The following DIAPH2 variants were observed in gnomAD, a reference collection of about 807,000 sequenced individuals.
DIAPH2 encodes protein diaphanous homolog 2.
A neutral mutation model predicts 92.7 loss-of-function variants in DIAPH2; 35 were observed. That is an observed-to-expected ratio of 0.38 (90% CI 0.29 to 0.50). The LOEUF is 0.50. DIAPH2 is among the 20% of genes least tolerant of loss of function. DIAPH2 has a pLI of 0.94. For synonymous variants in DIAPH2, 301 were observed against 280.4 expected, an observed-to-expected ratio of 1.07 and a Z score of -0.73; for missense variants, 701 against 819.5, an observed-to-expected ratio of 0.86 and a Z score of 1.77.
At chrX:97,263,864 G>A (rs952769263) in intron 23 of DIAPH2, among the ~76,000 whole-genome samples, 9 of 109,194 alleles carry the variant, frequency 8.2e-5, no homozygotes, top group African/African-American at 2.0e-4. Flanking sequence ...TAGGATTACC[G>A]GCGTGAGCCA....
intron 1 of DIAPH2, among the ~76,000 whole-genome samples, chrX:96,705,586 AT>A (rs763981689): frequency 8.9e-6 from 1 of 112,194 alleles, no homozygotes; most frequent in South Asian, 3.7e-4. Context: ...AATGTTTATG[AT>A]TTTTTTAGAA....
intron 4 of DIAPH2, among the ~76,000 whole-genome samples, chrX:96,816,369 G>GTC: frequency 1.8e-5 from 2 of 112,009 alleles, no homozygotes; most frequent in Middle Eastern, 9.1e-3. Context: ...GGATAAAAGG[G>GTC]TCACCATCTT....
chrX:96,854,474 T>C (rs6620193), intron 4 of DIAPH2, among the ~76,000 whole-genome samples: 1 of 103,942 alleles, frequency 9.6e-6, no homozygotes, highest in African/African-American at 3.5e-5. Context: ...ACAGGGAATA[T>C]GTTTGAAGAC....
chrX:97,303,706 A>G (rs1454097251), intron 23 of DIAPH2, among the ~76,000 whole-genome samples: 2 of 112,120 alleles, frequency 1.8e-5, no homozygotes, highest in African/African-American at 3.2e-5. Flanking sequence ...GGGTTAAACA[A>G]AGACAAACAG....
chrX:97,354,643 G>C (rs2069248702), intron 24 of DIAPH2, among the ~76,000 whole-genome samples: 1 of 112,594 alleles, frequency 8.9e-6, no homozygotes, highest in Non-Finnish European at 1.9e-5. Flanking sequence ...CAAAGTGCTA[G>C]GATTATAGGC....
At chrX:97,161,051 GTT>G (rs533317066) in intron 22 of DIAPH2, among the ~76,000 whole-genome samples, 17 of 88,928 alleles carry the variant, frequency 1.9e-4, no homozygotes, top group African/African-American at 5.3e-4. Context: ...TTGTTTTTTT[GTT>G]TTTTTTTTTT....
rs143073553 is a variant in DIAPH2 at position 96,801,100 on chromosome X, A to T, written c.447+42842A>T. 8.0e-3 allele frequency among the ~76,000 whole-genome samples: 902 copies of T among 112,345 alleles called. 8 individuals carry two copies. The highest frequency in any genetic ancestry group is 0.028 in the African/African-American group (867 of 30,992). ...ACTAAAATATATCTCATTGAATTAT[A>T]TAGCTTAGGCAGCTATTATCCTGTA... On this transcript the variant is annotated intron_variant, in intron 4 of 26. Transcript: ENST00000324765.
intron 4 of DIAPH2, among the ~76,000 whole-genome samples, chrX:96,873,048 A>G (rs892262415): frequency 3.6e-5 from 4 of 111,722 alleles, no homozygotes; most frequent in African/African-American, 9.8e-5. Flanking sequence ...CCAACAGTTT[A>G]TGAGGGTTCC....
chrX:97,583,071 T>A (rs2071451715), intron 26 of DIAPH2, among the ~76,000 whole-genome samples: 1 of 111,269 alleles, frequency 9.0e-6, no homozygotes, highest in Non-Finnish European at 1.9e-5. Context: ...AGTTATACAT[T>A]CTTCTAAATT....
chrX:96,717,816 G>GTACATA, intron 1 of DIAPH2, among the ~76,000 whole-genome samples: 1 of 36,374 alleles, frequency 2.7e-5, no homozygotes, highest in Admixed American at 3.9e-4. Flanking sequence ...TGGGTATATA[G>GTACATA]TATATATATA....
At chrX:97,415,695 G>C (rs2069936880) in intron 25 of DIAPH2, among the ~76,000 whole-genome samples, 1 of 104,845 alleles carries the variant, frequency 9.5e-6, no homozygotes, top group Non-Finnish European at 2.0e-5. Flanking sequence ...ACACATGGGG[G>C]CGTGTTGTGG....
chrX:97,544,274 CA>C (rs1303314088), intron 26 of DIAPH2, among the ~76,000 whole-genome samples: 1 of 111,601 alleles, frequency 9.0e-6, no homozygotes, highest in Non-Finnish European at 1.9e-5. Context: ...ATCTTCTTTC[CA>C]AAAAATGAAA....
At position 97,552,235 on chromosome X, in the gene DIAPH2, T is replaced by A. The variant is rs1383848587; in HGVS notation, c.3242-47018T>A. Among the ~76,000 whole-genome samples the A allele has an allele frequency of 7.7e-5, 7 of 90,466 alleles. No individual in the cohort carries two copies. In the East Asian group the frequency reaches 2.0e-3, roughly 26 times the overall value. The allele number at this position is 90,466 out of a possible 115,157, so 78.6% of individuals were successfully genotyped here. Reference sequence around the variant, plus strand: ...TTGATGAAATACTTATTGAGCTATGTACCATATTCCATAGAAAGGAAAAAC... The same window carrying A: ...TTGATGAAATACTTATTGAGCTATGAACCATATTCCATAGAAAGGAAAAAC... On this transcript the variant is annotated intron_variant, in intron 26 of 26. Coordinates refer to ENST00000324765, the MANE Select transcript of DIAPH2 (RefSeq NM_006729.5).
At chrX:96,844,776 C>T (rs2064960298) in intron 4 of DIAPH2, among the ~76,000 whole-genome samples, 1 of 111,402 alleles carries the variant, frequency 9.0e-6, no homozygotes, top group African/African-American at 3.3e-5. Context: ...TAGCATATTG[C>T]AGAGGAAGTG....
At chrX:97,543,868 A>G (rs753057606) in intron 26 of DIAPH2, among the ~76,000 whole-genome samples, 2 of 111,317 alleles carry the variant, frequency 1.8e-5, no homozygotes, top group Non-Finnish European at 3.8e-5. Context: ...CTATTTAACA[A>G]TTTTTAAAAT....
intron 9 of DIAPH2, among the ~76,000 whole-genome samples, chrX:96,923,343 A>C (rs1204173267): frequency 1.8e-5 from 2 of 111,991 alleles, no homozygotes; most frequent in Non-Finnish European, 3.8e-5. Context: ...CAGAGCTGTA[A>C]ATATGCCCTT....
intron 4 of DIAPH2, among the ~76,000 whole-genome samples, chrX:96,799,245 C>G (rs1404040615): frequency 9.0e-6 from 1 of 111,272 alleles, no homozygotes; most frequent in African/African-American, 3.3e-5. Context: ...GGCTATAGGG[C>G]TCACTTAATT....
At chrX:96,729,644 A>T (rs931220915) in intron 1 of DIAPH2, among the ~76,000 whole-genome samples, 3 of 111,870 alleles carry the variant, frequency 2.7e-5, no homozygotes, top group African/African-American at 9.8e-5. Context: ...GAAACCCTAT[A>T]CTGTGATGTC....
At chrX:97,093,860 A>G (rs2066845877) in intron 19 of DIAPH2, among the ~76,000 whole-genome samples, 1 of 111,869 alleles carries the variant, frequency 8.9e-6, no homozygotes, top group Non-Finnish European at 1.9e-5. Context: ...AACCCCTTGA[A>G]TAGTTTAATT....
Sources: gnomAD v4.1 joint callset for allele counts (sites outside exome capture counted in the v4.1 genomes callset) on GRCh38, gnomAD v4.1.1 for gene constraint, MANE v1.5 for transcripts, NCBI Gene and HGNC (gene_info 2026-07-23, HGNC 2026-07-21) for gene names.